Variants in CPVL observed in about 807,000 individuals in gnomAD.
The protein encoded by CPVL is probable serine carboxypeptidase CPVL.
CPVL carries 51 observed loss-of-function variants against 63.7 expected under a neutral mutation model. The ratio of observed to expected loss-of-function variants is 0.80; its 90% CI spans 0.64 to 1.01. The LOEUF is 1.01. Among genes scored for constraint, CPVL ranks in the 50% least tolerant of loss-of-function variants. CPVL has a pLI of 0.00. For missense variants in CPVL, 530 were observed against 573.1 expected, an observed-to-expected ratio of 0.92 and a Z score of 0.77; for synonymous variants, 195 against 206.0, an observed-to-expected ratio of 0.95 and a Z score of 0.46.
chr7:29,096,375 A>G, intron 3 of CPVL, 158 bp from the exon 4 acceptor site: 1 of 626,132 alleles, frequency 1.6e-6, no homozygotes. Flanking sequence ...CACTATGAGC[A>G]AAGTACTGAT....
rs967817852 is a variant in CPVL, at chr7:29,137,820, T to C, written c.-11+8609A>G. 1.4e-4 allele frequency among the ~76,000 whole-genome samples: 21 copies of C among 151,644 alleles called. 1 individual carries two copies. The South Asian group carries it at 3.3e-3, about 24-fold the overall frequency. On this transcript the variant is annotated intron_variant, in intron 1 of 12. Coordinates refer to ENST00000265394, the MANE Select transcript of CPVL (RefSeq NM_031311.5). Reference sequence around the variant, plus strand: ...TAAAAATTTGTTATGCAGCAATAGATAACCAATACAGAGGCAGGAGAAAAG... The same window carrying C: ...TAAAAATTTGTTATGCAGCAATAGACAACCAATACAGAGGCAGGAGAAAAG...
At chr7:29,174,133 C>T (rs1030025012) in intron 5 of CPVL, among the ~76,000 whole-genome samples, 1 of 151,520 alleles carries the variant, frequency 6.6e-6, no homozygotes, top group African/African-American at 2.4e-5. Context: ...GCTGGAGAGA[C>T]CCCCCCGTTT....
chr7:29,060,964 T>C (rs1791216391), intron 11 of CPVL, among the ~76,000 whole-genome samples: 1 of 152,194 alleles, frequency 6.6e-6, no homozygotes, highest in Non-Finnish European at 1.5e-5. Context: ...ATAATCACTA[T>C]CCCAAGCGCT....
chr7:29,121,092 C>A (rs755401293), intron 1 of CPVL, 21 bp from the exon 2 acceptor site: 1 of 1,549,578 alleles, frequency 6.5e-7, no homozygotes, highest in Admixed American at 2.2e-5. Context: ...AACAGCATTC[C>A]AAAAATGAAT....
intron 7 of CPVL, among the ~76,000 whole-genome samples, chr7:29,073,065 T>C (rs139651646): frequency 3.1e-4 from 47 of 152,338 alleles, no homozygotes; most frequent in African/African-American, 1.1e-3. Context: ...TTTCAAATAA[T>C]TTTGCATTTT....
At chr7:29,172,389 G>A (rs1796717789) in intron 5 of CPVL, among the ~76,000 whole-genome samples, 1 of 152,156 alleles carries the variant, frequency 6.6e-6, no homozygotes, top group Non-Finnish European at 1.5e-5. Flanking sequence ...GATAGCATCA[G>A]TGTCTAAAGT....
At chr7:29,097,621 G>C (rs1786573699) in intron 3 of CPVL, among the ~76,000 whole-genome samples, 1 of 152,114 alleles carries the variant, frequency 6.6e-6, no homozygotes, top group African/African-American at 2.4e-5. Flanking sequence ...CCTTGAACCA[G>C]GGAGGCAGAG....
intron 12 of CPVL, among the ~76,000 whole-genome samples, chr7:29,016,350 CAAA>C (rs781649021): frequency 1.6e-5 from 2 of 126,790 alleles, no homozygotes; most frequent in African/African-American, 2.9e-5. Flanking sequence ...GACTCCATAT[CAAA>C]AAAAAAAAAA....
intron 11 of CPVL, among the ~76,000 whole-genome samples, chr7:29,059,296 T>C (rs1791042790): frequency 6.6e-6 from 1 of 152,166 alleles, no homozygotes; most frequent in South Asian, 2.1e-4. Context: ...CCATCTGTTC[T>C]TGCAGGTTGT....
intron 5 of CPVL, among the ~76,000 whole-genome samples, chr7:29,093,079 C>G (rs1785993181): frequency 6.6e-6 from 1 of 152,128 alleles, no homozygotes; most frequent in African/African-American, 2.4e-5. Flanking sequence ...GAGTGCATGG[C>G]TCTGTCCTGC....
At chr7:29,030,844 G>A (rs984458488) in intron 11 of CPVL, 85 bp from the exon 12 acceptor site, 4 of 1,141,018 alleles carry the variant, frequency 3.5e-6, no homozygotes, top group South Asian at 3.5e-5. Context: ...GTGAGCCAGT[G>A]AGAGAGAAAA....
Position 29,121,073 on chromosome 7 carries a change from T to G in CPVL, c.-10-2A>C, listed in dbSNP as rs1228766904. ...ATGGCACCAACCATCTCTCAGGGTC[T>G]AGGATAAAAACAGCATTCCAAAAAT... is the stretch of plus-strand genomic sequence containing the variant. On this transcript the variant is annotated splice_acceptor_variant, in intron 1 of 12. Coordinates refer to ENST00000265394, the MANE Select transcript of CPVL (RefSeq NM_031311.5). LOFTEE classifies it low-confidence loss of function (5UTR_SPLICE). 6.3e-7 allele frequency: 1 copy of G among 1,575,612 alleles called. No homozygotes were observed. The highest frequency in any genetic ancestry group is 8.6e-7 in the Non-Finnish European group (1 of 1,165,354).
chr7:29,072,200 C>A, intron 8 of CPVL, 101 bp downstream of exon 8: 1 of 1,310,670 alleles, frequency 7.6e-7, no homozygotes, highest in Non-Finnish European at 1.1e-6. Context: ...ACTGGTGTTT[C>A]CCTTATCAAA....
intron 3 of CPVL, among the ~76,000 whole-genome samples, chr7:29,104,924 CTA>C (rs1167271586): frequency 6.6e-6 from 1 of 152,106 alleles, no homozygotes; most frequent in Non-Finnish European, 1.5e-5. Context: ...TCAAATATAC[CTA>C]TACCTATGGG....
chr7:29,144,800 G>A (rs996163269), intron 1 of CPVL, among the ~76,000 whole-genome samples: 1 of 151,866 alleles, frequency 6.6e-6, no homozygotes, highest in African/African-American at 2.4e-5. Context: ...TTTTTTGTGG[G>A]GAGTGAACTG....
intron 1 of CPVL, among the ~76,000 whole-genome samples, chr7:29,135,225 T>C (rs1791081857): frequency 6.6e-6 from 1 of 151,728 alleles, no homozygotes; most frequent in South Asian, 2.1e-4. Flanking sequence ...GATCAAGAAA[T>C]GAAAAGATGA....
chr7:28,995,552 A>AAGTT lies in CPVL; in HGVS notation c.*216_*219dup, dbSNP rs1373306197. On this transcript the variant is annotated 3_prime_UTR_variant, in exon 13 of 13. Coordinates refer to ENST00000265394, the MANE Select transcript of CPVL (RefSeq NM_031311.5). ...ACATCATCCATACCTTTCATCCTTT[A>AAGTT]AGTTAAATAATGTAATTCTTACTCA... 2.1e-6 allele frequency: 1 copy of AAGTT among 474,002 alleles called. No homozygotes were observed. The highest frequency in any genetic ancestry group is 3.7e-6 in the Non-Finnish European group (1 of 273,166). 29.4% of individuals were successfully genotyped at this position (474,002 alleles called of 1,614,324 possible). A position where few individuals can be genotyped will look rare whatever the true frequency, so the allele number is the denominator to read the frequency against.
At chr7:29,060,655 C>T (rs530246658) in intron 11 of CPVL, among the ~76,000 whole-genome samples, 40 of 152,232 alleles carry the variant, frequency 2.6e-4, no homozygotes, top group Non-Finnish European at 4.0e-4. Flanking sequence ...TAGAAACTAA[C>T]GTAGTTTACA....
intron 12 of CPVL, chr7:29,011,156 A>G (rs1294069295): frequency 6.6e-6 from 1 of 152,226 alleles, no homozygotes; most frequent in Admixed American, 6.5e-5. Flanking sequence ...GGCTGGGGAG[A>G]ATCTATAAAT....
Sources: allele counts gnomAD v4.1 joint callset (sites outside exome capture counted in the v4.1 genomes callset), GRCh38; gene constraint gnomAD v4.1.1; transcripts MANE v1.5; gene names NCBI Gene and HGNC (gene_info 2026-07-23, HGNC 2026-07-21).